Variants in BRD4 observed in about 807,000 individuals in gnomAD.
The protein encoded by BRD4 is bromodomain-containing protein 4.
BRD4 carries 16 observed loss-of-function variants against 142.1 expected under a neutral mutation model. The ratio of observed to expected loss-of-function variants is 0.11; its 90% CI spans 0.08 to 0.17. BRD4 has a LOEUF of 0.17. Among genes scored for constraint, BRD4 ranks in the 10% least tolerant of loss-of-function variants. The pLI, the probability that BRD4 is intolerant of heterozygous loss-of-function variation, is 1.00. For missense variants in BRD4, 1,424 were observed against 1,810.9 expected (o/e 0.79, Z 3.88); for synonymous variants, 833 against 707.5 (o/e 1.18, Z -2.82).
intron 1 of BRD4, among the ~76,000 whole-genome samples, chr19:15,296,640 G>T (rs1047188406): frequency 6.6e-6 from 1 of 152,176 alleles, no homozygotes; most frequent in Non-Finnish European, 1.5e-5. Context: ...GAGCCAAAAG[G>T]ATCTGGATGT....
In BRD4 at chr19:15,263,239, T is replaced by C. The variant is rs553756505; in HGVS notation, c.1341+181A>G. ...CAGTGGAACACCCACTCTGCTTTAA[T>C]TGAATAACCCCAACTTAAAATGTAT... On this transcript the variant is annotated intron_variant, in intron 7 of 19. Coordinates refer to ENST00000679869, the MANE Select transcript of BRD4 (RefSeq NM_001379291.1). Among the ~76,000 whole-genome samples the C allele has an allele frequency of 1.2e-3, 187 of 152,332 alleles. 1 individual carries two copies. Among genetic ancestry groups the C allele is most frequent in the African/African-American group, 3.5e-3 (145 of 41,580 alleles).
intron 1 of BRD4, among the ~76,000 whole-genome samples, chr19:15,300,509 C>T (rs759759322): frequency 5.3e-5 from 8 of 152,062 alleles, no homozygotes; most frequent in East Asian, 3.9e-4. Context: ...GAGCAGAGAT[C>T]GTGCCACTGC....
chr19:15,302,873 T>C (rs1052293886), intron 1 of BRD4, among the ~76,000 whole-genome samples: 2 of 151,040 alleles, frequency 1.3e-5, no homozygotes, highest in East Asian at 3.9e-4. Context: ...CCAGGCGTGG[T>C]GGCGGTCACC....
At chr19:15,281,961 T>C (rs1162912596) in intron 1 of BRD4, among the ~76,000 whole-genome samples, 3 of 152,182 alleles carry the variant, frequency 2.0e-5, no homozygotes, top group African/African-American at 7.2e-5. Flanking sequence ...GAGGTTGCAG[T>C]GAGCCGAGAT....
chr19:15,243,433 G>A lies in BRD4; in HGVS notation c.2636C>T (p.Ala879Val), dbSNP rs2145512257. 6.3e-7 allele frequency: 1 copy of A among 1,575,498 alleles called. No homozygotes were observed. The highest frequency in any genetic ancestry group is 1.2e-5 in the South Asian group (1 of 84,710). Residue 879 changes from alanine to valine, a missense_variant, in exon 14 of 20, where the codon GCC becomes GTC. Physicochemically the swap from Ala to Val is moderately conservative, Grantham distance 64. Transcript: ENST00000679869. ...QPSRPSNRAA[A>V]LPPKPARPPA... ...GGGCCGGGCGGGCTTGGGAGGCAGG[G>A]CAGCGGCTCGGTTGCTGGGCCGTGA...
rs559072014 is a variant in BRD4, at chr19:15,257,277, C to T, written c.1342-104G>A. ...TGGGGCCAACTCAACAGAAAGCAAC[C>T]GAGGGCGAAAGAGGATGGTGATCCT... is the stretch of plus-strand genomic sequence containing the variant. On this transcript the variant is annotated intron_variant, in intron 7 of 19. Transcript: ENST00000679869. 24 of 1,141,510 alleles carry T rather than the reference C, an allele frequency of 2.1e-5. No homozygotes were observed. The South Asian group carries it at 2.5e-4, about 12-fold the overall frequency. The allele number at this position is 1,141,510 out of a possible 1,614,324, so 70.7% of individuals were successfully genotyped here. A position where few individuals can be genotyped will look rare whatever the true frequency, so the allele number is the denominator to read the frequency against.
intron 3 of BRD4, chr19:15,268,125 A>T (rs1288070229): frequency 6.6e-6 from 1 of 152,510 alleles, no homozygotes; most frequent in East Asian, 1.9e-4. Context: ...TGAGACTTTA[A>T]AAAACACAGT....
At chr19:15,271,413 C>G (rs1404834288) in intron 2 of BRD4, among the ~76,000 whole-genome samples, 1 of 152,170 alleles carries the variant, frequency 6.6e-6, no homozygotes, top group Non-Finnish European at 1.5e-5. Flanking sequence ...ACAGGATGAT[C>G]AGGTCGGAAT....
At chr19:15,322,107 C>T (rs1252928934) in intron 1 of BRD4, among the ~76,000 whole-genome samples, 4 of 152,098 alleles carry the variant, frequency 2.6e-5, no homozygotes, top group African/African-American at 9.7e-5. Flanking sequence ...GACATGACCC[C>T]CCCATAAGAA....
chr19:15,256,291 C>G (rs374078158), intron 8 of BRD4, 28 bp from the exon 9 acceptor site: 2 of 1,597,784 alleles, frequency 1.3e-6, no homozygotes, highest in African/African-American at 2.7e-5. Context: ...AAGACACACA[C>G]TCAGGGCTGA....
At chr19:15,263,325 C>T in intron 7 of BRD4, 95 bp downstream of exon 7, 1 of 1,443,614 alleles carries the variant, frequency 6.9e-7, no homozygotes, top group Non-Finnish European at 9.4e-7. Flanking sequence ...AGGAAAGTGA[C>T]AGAAAAAAAA....
chr19:15,248,126 C>T (rs1568380095), intron 11 of BRD4: 1 of 218,400 alleles, frequency 4.6e-6, no homozygotes, highest in Non-Finnish European at 9.2e-6. Flanking sequence ...AACGCAGATG[C>T]AGTTCCTCAG....
rs770393225 is a variant in BRD4 at position 15,265,520 on chromosome 19, A to C, written c.683T>G (p.Val228Gly). The C allele has an allele frequency of 6.2e-7, 1 of 1,613,794 alleles. No homozygotes were observed. Among genetic ancestry groups the C allele is most frequent in the Non-Finnish European group, 8.5e-7 (1 of 1,179,944 alleles). The change falls in exon 5 of 20, where the codon GTC becomes GGC. Residue 228 changes from valine (V) to glycine (G), a missense_variant. This residue lies in a region of BRD4 where 140 missense variants were observed against 131.7 expected (regional missense o/e 1.06). Transcript: ENST00000679869. ...GGTCTGGACGATGAGGTCCGGGGTG[A>C]CGGCAGGGAAGGGGTGAGGCGTGGC... Reference protein sequence around the residue: ...VQATPHPFPAVTPDLIVQTPV... With the variant: ...VQATPHPFPAGTPDLIVQTPV...
intron 8 of BRD4, 102 bp from the exon 9 acceptor site, chr19:15,256,365 T>C (rs1208504189): frequency 2.2e-5 from 32 of 1,437,786 alleles, no homozygotes; most frequent in Non-Finnish European, 3.0e-5. Flanking sequence ...AGCATGCACC[T>C]GGGGCATCAG....
chr19:15,314,529 C>G lies in BRD4; in HGVS notation c.-35+17761G>C, dbSNP rs1035774705. Among the ~76,000 whole-genome samples, 4 of 152,198 alleles carry G rather than the reference C, an allele frequency of 2.6e-5. No individual in the cohort carries two copies. The East Asian group carries it at 7.7e-4, about 29-fold the overall frequency. Reference sequence around the variant, plus strand: ...GTCCTATTGGGAGGAGCCCTCACATCCATCCTCCTGGAGATGCCCAATGCC... The same window carrying G: ...GTCCTATTGGGAGGAGCCCTCACATGCATCCTCCTGGAGATGCCCAATGCC... On this transcript the variant is annotated intron_variant, in intron 1 of 19. Coordinates refer to ENST00000679869, the MANE Select transcript of BRD4 (RefSeq NM_001379291.1).
chr19:15,276,420 C>A (rs181259907), intron 1 of BRD4, among the ~76,000 whole-genome samples: 6 of 152,108 alleles, frequency 3.9e-5, no homozygotes, highest in African/African-American at 7.2e-5. Flanking sequence ...AACAAGTCAG[C>A]CAACCCTGTC....
At chr19:15,279,699 CA>C in intron 1 of BRD4, among the ~76,000 whole-genome samples, 1 of 152,202 alleles carries the variant, frequency 6.6e-6, no homozygotes, top group Non-Finnish European at 1.5e-5. Context: ...AGACCACAAA[CA>C]ACTGCCCAGA....
At chr19:15,255,040 G>A (rs900787499) in intron 10 of BRD4, among the ~76,000 whole-genome samples, 3 of 152,126 alleles carry the variant, frequency 2.0e-5, no homozygotes, top group Non-Finnish European at 2.9e-5. Context: ...AAGCAGCTCC[G>A]GCTTAGAACA....
At position 15,237,256 on chromosome 19, in the gene BRD4, G is replaced by GC. The variant is rs1015885203; in HGVS notation, c.*1120_*1121insG. ...AGCCAACAAATGGGTGGGGGGGGGG[G>GC]GGGTGGAGGGGAAAGAAAAGAAATT... On this transcript the variant is annotated 3_prime_UTR_variant, in exon 20 of 20. Coordinates refer to ENST00000679869, the MANE Select transcript of BRD4 (RefSeq NM_001379291.1). 2.7e-5 allele frequency: 3 copies of GC among 112,076 alleles called. No individual in the cohort carries two copies. Among genetic ancestry groups the GC allele is most frequent in the Non-Finnish European group, 3.4e-5 (2 of 58,108 alleles). The allele number at this position is 112,076 out of a possible 1,614,324, so 6.9% of individuals were successfully genotyped here.
Sources: allele counts gnomAD v4.1 joint callset (sites outside exome capture counted in the v4.1 genomes callset), GRCh38; gene constraint gnomAD v4.1.1; regional missense constraint gnomAD v4.1.1; transcripts MANE v1.5; gene names NCBI Gene and HGNC (gene_info 2026-07-23, HGNC 2026-07-21).